The following FBXW8 variants were observed in gnomAD, a reference collection of about 807,000 sequenced individuals.
The protein encoded by FBXW8 is F-box/WD repeat-containing protein 8.
In FBXW8, 57 loss-of-function variants were observed where a neutral mutation model predicts 65.3. The observed-to-expected ratio is 0.87, with a 90% CI of 0.71 to 1.09. FBXW8 has a LOEUF of 1.09. Among genes scored for constraint, FBXW8 ranks in the 50% least tolerant of loss-of-function variants. The pLI, the probability that FBXW8 is intolerant of heterozygous loss-of-function variation, is 0.00. For synonymous variants in FBXW8, 308 were observed against 330.2 expected (o/e 0.93, Z 0.73); for missense variants, 777 against 814.8 (o/e 0.95, Z 0.57).
chr12:117,003,745 G>GC (rs1316178640), intron 7 of FBXW8, among the ~76,000 whole-genome samples: 1 of 152,164 alleles, frequency 6.6e-6, no homozygotes, highest in Non-Finnish European at 1.5e-5. Context: ...TTTTTGCTCA[G>GC]CCTTTGAGGA....
intron 7 of FBXW8, among the ~76,000 whole-genome samples, chr12:117,009,958 G>A (rs965571834): frequency 1.3e-5 from 2 of 152,164 alleles, no homozygotes; most frequent in African/African-American, 2.4e-5. Context: ...GATGCTTTGC[G>A]AGCTTTCCCA....
At chr12:116,975,012 G>A (rs1884838672) in intron 5 of FBXW8, among the ~76,000 whole-genome samples, 1 of 152,044 alleles carries the variant, frequency 6.6e-6, no homozygotes, top group Admixed American at 6.5e-5. Flanking sequence ...TGATAGTGAT[G>A]GACTATAACC....
Position 117,027,323 on chromosome 12 carries a change from T to C in FBXW8, c.1542-71T>C, listed in dbSNP as rs1356704124. On this transcript the variant is annotated intron_variant, in intron 9 of 10. Transcript: ENST00000652555. ...TCTAGAATCCCCTGCAGCTCTGAAC[T>C]CCCAGGCCTGCGGCAGCAAGTGCAG... is the stretch of plus-strand genomic sequence containing the variant. 9.3e-6 allele frequency: 11 copies of C among 1,177,020 alleles called. No homozygotes were observed. In the South Asian group the frequency reaches 1.3e-4, roughly 14 times the overall value. 72.9% of individuals were successfully genotyped at this position (1,177,020 alleles called of 1,614,324 possible). A position where few individuals can be genotyped will look rare whatever the true frequency, so the allele number is the denominator to read the frequency against.
chr12:116,958,686 A>G (rs985668445), intron 4 of FBXW8, among the ~76,000 whole-genome samples: 1 of 152,202 alleles, frequency 6.6e-6, no homozygotes, highest in Non-Finnish European at 1.5e-5. Flanking sequence ...GGCACCTCAT[A>G]CAGGCTCAGC....
At chr12:116,976,031 A>G (rs1884907435) in intron 5 of FBXW8, among the ~76,000 whole-genome samples, 1 of 152,226 alleles carries the variant, frequency 6.6e-6, no homozygotes, top group South Asian at 2.1e-4. Flanking sequence ...TAATAGGTTA[A>G]CATTTGGGAA....
chr12:117,018,980 T>C (rs1954024624), intron 8 of FBXW8, among the ~76,000 whole-genome samples: 1 of 152,170 alleles, frequency 6.6e-6, no homozygotes, highest in Admixed American at 6.5e-5. Flanking sequence ...ACACTTCCGC[T>C]CCCCCTTTCC....
intron 2 of FBXW8, among the ~76,000 whole-genome samples, chr12:116,940,461 T>C (rs868597509): frequency 1.3e-5 from 2 of 148,898 alleles, no homozygotes; most frequent in African/African-American, 4.9e-5. Flanking sequence ...AGAATTTAGG[T>C]ATAAAAAATA....
At chr12:117,007,323 C>CT (rs1460766167) in intron 7 of FBXW8, among the ~76,000 whole-genome samples, 3 of 151,998 alleles carry the variant, frequency 2.0e-5, no homozygotes, top group Non-Finnish European at 4.4e-5. Context: ...ATAGTGCTTG[C>CT]TTTTCCCCCA....
Position 116,961,771 on chromosome 12 carries a change from G to A in FBXW8, c.678-2926G>A, listed in dbSNP as rs1380629929. Among the ~76,000 whole-genome samples the A allele has an allele frequency of 2.6e-5, 4 of 152,298 alleles. No individual in the cohort carries two copies. Among genetic ancestry groups the A allele is most frequent in the Middle Eastern group, 3.4e-3 (1 of 294 alleles). ...GTCCAGGCTGCCGTGAAGGTAGATC[G>A]TAGTGCGGTGTAGTGTGGCATGTGA... On this transcript the variant is annotated intron_variant, in intron 4 of 10. Transcript: ENST00000652555. The surrounding 1 kb of genome is among the most constrained non-coding windows in gnomAD (Gnocchi z 4.4).
intron 1 of FBXW8, among the ~76,000 whole-genome samples, chr12:116,917,809 G>A (rs1362545796): frequency 2.0e-5 from 3 of 152,014 alleles, no homozygotes; most frequent in African/African-American, 4.8e-5. Flanking sequence ...TGGCTAAGAC[G>A]GTGAAACCCT....
intron 5 of FBXW8, chr12:116,977,978 G>A (rs1262666410): frequency 6.6e-6 from 1 of 152,096 alleles, no homozygotes; most frequent in Non-Finnish European, 1.5e-5. Flanking sequence ...TCTTGACTCA[G>A]TTTCTATTTT....
chr12:117,025,857 C>T (rs1407221084), intron 9 of FBXW8, among the ~76,000 whole-genome samples: 1 of 152,218 alleles, frequency 6.6e-6, no homozygotes, highest in Non-Finnish European at 1.5e-5. Flanking sequence ...TCTCATTTTT[C>T]TCTCAGCAAA....
chr12:116,930,632 A>C (rs1881695433), intron 2 of FBXW8, among the ~76,000 whole-genome samples: 1 of 152,086 alleles, frequency 6.6e-6, no homozygotes, highest in Non-Finnish European at 1.5e-5. Flanking sequence ...TTTGCTGTAC[A>C]AAAGCTTTTT....
intron 3 of FBXW8, chr12:116,949,399 C>T: frequency 7.1e-6 from 4 of 561,680 alleles, no homozygotes; most frequent in Non-Finnish European, 9.7e-6. Context: ...CCTGTGTCCT[C>T]GAGTTCAGTG....
At chr12:116,991,592 G>C (rs551997020) in intron 7 of FBXW8, among the ~76,000 whole-genome samples, 1 of 152,230 alleles carries the variant, frequency 6.6e-6, no homozygotes, top group Non-Finnish European at 1.5e-5. Flanking sequence ...GCTGGTGTGA[G>C]ACTATTAGCA....
intron 7 of FBXW8, among the ~76,000 whole-genome samples, chr12:117,008,371 G>C (rs1392698575): frequency 6.6e-6 from 1 of 152,182 alleles, no homozygotes; most frequent in African/African-American, 2.4e-5. Flanking sequence ...CTGATGATAA[G>C]AGATTTGGTT....
At chr12:116,979,773 A>G (rs984271345) in intron 5 of FBXW8, among the ~76,000 whole-genome samples, 7 of 136,904 alleles carry the variant, frequency 5.1e-5, no homozygotes, top group African/African-American at 2.1e-4. Flanking sequence ...GGTGCAGGGA[A>G]TGGCAAAAAA....
At chr12:116,949,421 T>C (rs1482718801) in intron 3 of FBXW8, 197 bp from the exon 4 acceptor site, 1 of 595,450 alleles carries the variant, frequency 1.7e-6, no homozygotes, top group Admixed American at 2.5e-5. Context: ...CTTTGGGATA[T>C]ATGGTAACTC....
At chr12:116,990,675 G>A (rs1391081746) in intron 7 of FBXW8, among the ~76,000 whole-genome samples, 1 of 152,134 alleles carries the variant, frequency 6.6e-6, no homozygotes, top group East Asian at 1.9e-4. Context: ...TAATACAGTT[G>A]TAATGGATAC....
Sources: gnomAD v4.1 joint callset for allele counts (sites outside exome capture counted in the v4.1 genomes callset) on GRCh38, gnomAD v4.1.1 for gene constraint, Gnocchi (gnomAD v3.1) non-coding constraint, MANE v1.5 for transcripts, NCBI Gene and HGNC (gene_info 2026-07-23, HGNC 2026-07-21) for gene names.